Variants in ANXA7 observed in about 807,000 individuals in gnomAD.
ANXA7 encodes annexin VII.
In ANXA7, 55 loss-of-function variants were observed where a neutral mutation model predicts 64.9. The ratio of observed to expected loss-of-function variants is 0.85; its 90% CI spans 0.68 to 1.06. ANXA7 has a LOEUF of 1.06. Ranked by LOEUF, ANXA7 falls within the 50% of genes least tolerant of loss-of-function variation. ANXA7 has a pLI of 0.00. For synonymous variants in ANXA7, 200 were observed against 192.4 expected (o/e 1.04, Z -0.33); for missense variants, 548 against 582.1 (o/e 0.94, Z 0.60).
At chr10:73,386,693 C>T (rs1357134822) in intron 7 of ANXA7, among the ~76,000 whole-genome samples, 3 of 151,900 alleles carry the variant, frequency 2.0e-5, no homozygotes, top group Admixed American at 6.6e-5. Flanking sequence ...TTTGAGACAG[C>T]GTCTTGTTCT....
intron 1 of ANXA7, among the ~76,000 whole-genome samples, chr10:73,405,615 G>C (rs576814242): frequency 6.6e-6 from 1 of 152,346 alleles, no homozygotes; most frequent in East Asian, 1.9e-4. Context: ...TATAAAGTCA[G>C]TAATCACTTT....
chr10:73,398,065 T>C, intron 3 of ANXA7, 116 bp downstream of exon 3: 2 of 1,037,782 alleles, frequency 1.9e-6, no homozygotes, highest in Non-Finnish European at 2.7e-6. Context: ...CTACCTAAGG[T>C]TACCTAAGAG....
chr10:73,378,620 C>T lies in ANXA7; in HGVS notation c.1278+291G>A, dbSNP rs554213975. On this transcript the variant is annotated intron_variant, in intron 12 of 12. Transcript: ENST00000372921. ...ATTTTTATATAAGCAAAATGAAAAT[C>T]GAAAGACAAATGTCTAACTTCCCAT... 2.6e-5 allele frequency among the ~76,000 whole-genome samples: 4 copies of T among 152,078 alleles called. No individual in the cohort carries two copies. The South Asian group carries it at 6.2e-4, about 24-fold the overall frequency.
Position 73,383,148 on chromosome 10 carries a change from A to G in ANXA7, c.918+27T>C, listed in dbSNP as rs752263813. The G allele has an allele frequency of 3.8e-6, 6 of 1,572,466 alleles. No homozygotes were observed. In the South Asian group the frequency reaches 7.0e-5, roughly 18 times the overall value. On this transcript the variant is annotated intron_variant, in intron 9 of 12. Coordinates refer to ENST00000372921, the MANE Select transcript of ANXA7 (RefSeq NM_001156.5). ...CTTTTAAAGTATGTTCCCTCTATCA[A>G]CGCACAAGCATTCATACTATACTCA...
intron 1 of ANXA7, among the ~76,000 whole-genome samples, chr10:73,404,894 G>A (rs2055728328): frequency 1.3e-5 from 2 of 152,070 alleles, no homozygotes; most frequent in Non-Finnish European, 2.9e-5. Flanking sequence ...CAACGCAGGT[G>A]GATCACTTGA....
At chr10:73,393,317 C>T (rs1290354557) in intron 5 of ANXA7, among the ~76,000 whole-genome samples, 1 of 152,140 alleles carries the variant, frequency 6.6e-6, no homozygotes, top group Non-Finnish European at 1.5e-5. Context: ...CCATCCCCAT[C>T]AAGCTACCAA....
intron 4 of ANXA7, among the ~76,000 whole-genome samples, chr10:73,396,892 T>A (rs60532855): frequency 0.1 from 15,910 of 152,146 alleles, 1,204 homozygotes; most frequent in East Asian, 0.3. Flanking sequence ...GTTTTACTAT[T>A]GGTACAGGAG....
intron 5 of ANXA7, among the ~76,000 whole-genome samples, chr10:73,392,987 A>G (rs1215700572): frequency 2.0e-5 from 3 of 152,222 alleles, no homozygotes; most frequent in Non-Finnish European, 4.4e-5. Context: ...TTAAGCTGAT[A>G]AGCAACTTCA....
intron 1 of ANXA7, among the ~76,000 whole-genome samples, chr10:73,408,737 T>G (rs918494127): frequency 3.3e-5 from 5 of 152,180 alleles, no homozygotes; most frequent in African/African-American, 1.2e-4. Flanking sequence ...ATAGAAATAC[T>G]TGCACAAGGA....
intron 1 of ANXA7, among the ~76,000 whole-genome samples, chr10:73,408,718 A>G (rs1331601906): frequency 6.6e-6 from 1 of 152,208 alleles, no homozygotes; most frequent in Non-Finnish European, 1.5e-5. Flanking sequence ...ATTTCCAGGA[A>G]TGTACCTTAT....
chr10:73,402,346 C>T (rs756268435), intron 1 of ANXA7, among the ~76,000 whole-genome samples: 2 of 146,984 alleles, frequency 1.4e-5, no homozygotes, highest in East Asian at 2.1e-4. Flanking sequence ...ACCACAGGTG[C>T]GTACCACCAT....
intron 3 of ANXA7, 51 bp from the exon 4 acceptor site, chr10:73,397,325 G>GA: frequency 2.6e-6 from 3 of 1,176,028 alleles, no homozygotes; most frequent in East Asian, 2.5e-5. Context: ...CATGATTGCA[G>GA]AAAAAACTTT....
chr10:73,400,971 A>AT, intron 1 of ANXA7, 114 bp from the exon 2 acceptor site: 1 of 774,742 alleles, frequency 1.3e-6, no homozygotes, highest in South Asian at 2.1e-5. Flanking sequence ...CAGTGGCGTG[A>AT]TTTTGGCTCA....
At position 73,375,931 on chromosome 10, in the gene ANXA7, A is replaced by C. The variant is rs190070683; in HGVS notation, c.*164T>G. On this transcript the variant is annotated 3_prime_UTR_variant, in exon 13 of 13. Coordinates refer to ENST00000372921, the MANE Select transcript of ANXA7 (RefSeq NM_001156.5). ...TAGAGAACAAAATAAAATTAGAATT[A>C]AGGCAATAACAACATGTGCAAACCA... 6.6e-5 allele frequency: 31 copies of C among 467,076 alleles called. No individual in the cohort carries two copies. The highest frequency in any genetic ancestry group is 4.8e-4 in the African/African-American group (24 of 50,100). 28.9% of individuals were successfully genotyped at this position (467,076 alleles called of 1,614,324 possible).
intron 12 of ANXA7, among the ~76,000 whole-genome samples, chr10:73,378,247 G>A (rs1412014887): frequency 2.0e-5 from 3 of 151,516 alleles, no homozygotes; most frequent in South Asian, 4.2e-4. Flanking sequence ...GCATGGTGGC[G>A]CACACCTGTA....
chr10:73,375,765 A>G lies in ANXA7; in HGVS notation c.*330T>C, dbSNP rs1714282133. On this transcript the variant is annotated 3_prime_UTR_variant, in exon 13 of 13. Coordinates refer to ENST00000372921, the MANE Select transcript of ANXA7 (RefSeq NM_001156.5). The stretch of plus-strand genomic sequence containing the variant: ...CAGTAACCTTCTAAAAAATTATTCA[A>G]TATTATTACACAGAATCAGAGATTG... The G allele has an allele frequency of 6.0e-6, 1 of 166,410 alleles. No homozygotes were observed. Among genetic ancestry groups the G allele is most frequent in the Admixed American group, 6.4e-5 (1 of 15,738 alleles). The allele number at this position is 166,410 out of a possible 1,614,324, so 10.3% of individuals were successfully genotyped here.
chr10:73,376,151 C>T lies in ANXA7; in HGVS notation c.1345G>A (p.Ala449Thr). Residue 449 changes from alanine (A) to threonine (T), a missense_variant, in exon 13 of 13, where the codon GCA (alanine) becomes ACA (threonine). Ala to Thr is a moderately conservative substitution (Grantham distance 58). Coordinates refer to ENST00000372921, the MANE Select transcript of ANXA7 (RefSeq NM_001156.5). The stretch of plus-strand genomic sequence containing the variant: ...CGGTAATCTCCACTCGTGTCACCTG[C>T]AATCATTGTGCCCAGAGTCTTCTGA... Reference protein sequence around the residue: ...MYQKTLGTMIAGDTSGDYRRL... With the variant: ...MYQKTLGTMITGDTSGDYRRL... The T allele has an allele frequency of 6.2e-7, 1 of 1,608,900 alleles. No individual in the cohort carries two copies. Among genetic ancestry groups the T allele is most frequent in the Non-Finnish European group, 8.5e-7 (1 of 1,177,656 alleles).
intron 2 of ANXA7, 63 bp from the exon 3 acceptor site, chr10:73,398,448 T>C: frequency 7.0e-7 from 1 of 1,436,378 alleles, no homozygotes; most frequent in South Asian, 1.2e-5. Context: ...CATCTAAAAA[T>C]AAGGAACAAA....
chr10:73,390,758 T>A (rs900163867), intron 5 of ANXA7, among the ~76,000 whole-genome samples: 5 of 146,716 alleles, frequency 3.4e-5, no homozygotes, highest in Non-Finnish European at 7.5e-5. Context: ...ATATATATAT[T>A]GATTTCATAT....
Sources: gnomAD v4.1 joint callset for allele counts (sites outside exome capture counted in the v4.1 genomes callset) on GRCh38, gnomAD v4.1.1 for gene constraint, MANE v1.5 for transcripts, NCBI Gene and HGNC (gene_info 2026-07-23, HGNC 2026-07-21) for gene names.